Variants in CSMD1 observed in about 807,000 individuals in gnomAD.
The protein encoded by CSMD1 is CUB and sushi domain-containing protein 1.
CSMD1 carries 213 observed loss-of-function variants against 417.5 expected under a neutral mutation model. That is an observed-to-expected ratio of 0.51 (90% CI 0.46 to 0.57). The LOEUF (loss-of-function observed/expected upper bound fraction) is 0.57. CSMD1 is among the 20% of genes least tolerant of loss of function. CSMD1 has a pLI of 0.00. For synonymous variants in CSMD1, 2,862 were observed against 1,736.8 expected (o/e 1.65, Z -16.11); for missense variants, 6,923 against 4,529.7 (o/e 1.53, Z -15.17).
At chr8:4,438,414 C>T (rs116598441) in intron 2 of CSMD1, among the ~76,000 whole-genome samples, 4,026 of 152,230 alleles carry the variant, frequency 0.026, 186 homozygotes, top group African/African-American at 0.091. Flanking sequence ...TTGGTGGATA[C>T]TTAAACTCTA....
chr8:4,887,238 A>C (rs774479118), intron 1 of CSMD1, among the ~76,000 whole-genome samples: 9 of 151,988 alleles, frequency 5.9e-5, no homozygotes, highest in Non-Finnish European at 1.2e-4. Context: ...CTCATGATTT[A>C]TTTAGTTGTA....
At chr8:3,108,499 G>A (rs1384023568) in intron 44 of CSMD1, 104 bp downstream of exon 44, 12 of 1,217,746 alleles carry the variant, frequency 9.9e-6, no homozygotes, top group African/African-American at 4.6e-5. Context: ...ACACGCCCTC[G>A]GCTGAATCAA....
rs776274623 is a variant in CSMD1, at chr8:3,754,085, C to G, written c.819-43G>C. The G allele has an allele frequency of 3.0e-6, 4 of 1,330,172 alleles. No individual in the cohort carries two copies. The East Asian group carries it at 7.0e-5, about 23-fold the overall frequency. The allele number at this position is 1,330,172 out of a possible 1,614,324, so 82.4% of individuals were successfully genotyped here. ...GAAAAAAATCTCCCTTGTAAACCAA[C>G]AGAGCAAATGTCCTATATCAAACCC... On this transcript the variant is annotated intron_variant, in intron 5 of 69. Transcript: ENST00000635120.
At chr8:3,059,974 G>A (rs7818976) in intron 49 of CSMD1, among the ~76,000 whole-genome samples, 33,308 of 151,918 alleles carry the variant, frequency 0.22, 3,823 homozygotes, top group Middle Eastern at 0.33. Context: ...TTAGGCAGTG[G>A]GTATTAGGTC....
chr8:4,897,788 C>T (rs1388100148), intron 1 of CSMD1, among the ~76,000 whole-genome samples: 1 of 151,904 alleles, frequency 6.6e-6, no homozygotes, highest in East Asian at 1.9e-4. Flanking sequence ...AGTTATATGC[C>T]AGTAGATGAT....
In CSMD1 at chr8:4,111,908, G is replaced by A. The variant is rs528411143; in HGVS notation, c.416-79809C>T. 1.5e-3 allele frequency among the ~76,000 whole-genome samples: 224 copies of A among 152,266 alleles called. 1 individual carries two copies. Among genetic ancestry groups the A allele is most frequent in the Non-Finnish European group, 2.7e-3 (183 of 68,020 alleles). ...TAAGAAACCTGCACATCCAGCACAT[G>A]TACCCCAGAACTTAAAATAAATAAA... is the stretch of plus-strand genomic sequence containing the variant. On this transcript the variant is annotated intron_variant, in intron 3 of 69. Transcript: ENST00000635120.
At chr8:4,134,315 C>T (rs530447082) in intron 3 of CSMD1, among the ~76,000 whole-genome samples, 1 of 152,230 alleles carries the variant, frequency 6.6e-6, no homozygotes, top group Non-Finnish European at 1.5e-5. Context: ...GGTGATTAAG[C>T]TATAAAGACA....
intron 1 of CSMD1, among the ~76,000 whole-genome samples, chr8:4,992,345 A>T (rs765457804): frequency 1.3e-5 from 2 of 152,172 alleles, no homozygotes; most frequent in Non-Finnish European, 2.9e-5. Context: ...CGCGGTCTCC[A>T]CGCAGCAACC....
intron 5 of CSMD1, among the ~76,000 whole-genome samples, chr8:3,763,101 T>C (rs973047685): frequency 1.3e-5 from 2 of 152,060 alleles, no homozygotes; most frequent in Non-Finnish European, 2.9e-5. Context: ...CGTAACAGAG[T>C]GCTGGGCATG....
chr8:3,950,541 G>A (rs981302804), intron 5 of CSMD1, among the ~76,000 whole-genome samples: 1 of 152,226 alleles, frequency 6.6e-6, no homozygotes, highest in South Asian at 2.1e-4. Flanking sequence ...CAGCATGACA[G>A]AGCCTCAATA....
Position 4,427,113 on chromosome 8 carries a change from C to G in CSMD1, c.303-7048G>C, listed in dbSNP as rs527289515. Among the ~76,000 whole-genome samples, 12 of 152,098 alleles carry G rather than the reference C, an allele frequency of 7.9e-5. No individual in the cohort carries two copies. In the South Asian group the frequency reaches 2.3e-3, roughly 29 times the overall value. On this transcript the variant is annotated intron_variant, in intron 2 of 69. Coordinates refer to ENST00000635120, the MANE Select transcript of CSMD1 (RefSeq NM_033225.6). ...CTGTGGCTCCTGGGAGGTCACCATCCTTATAGAAAGCCTCTCCTGCCAGGT... is the reference window on the plus strand; with the variant it reads ...CTGTGGCTCCTGGGAGGTCACCATCGTTATAGAAAGCCTCTCCTGCCAGGT...
chr8:3,118,678 G>A (rs1428632783), intron 41 of CSMD1, 91 bp from the exon 42 acceptor site: 14 of 1,138,742 alleles, frequency 1.2e-5, no homozygotes, highest in African/African-American at 1.6e-5. Context: ...GTGACTGCTT[G>A]AGATGAAGTT....
chr8:4,748,568 G>C (rs559092085), intron 1 of CSMD1, among the ~76,000 whole-genome samples: 1 of 152,190 alleles, frequency 6.6e-6, no homozygotes. Context: ...AGGATTATTG[G>C]GTTCAGCATT....
chr8:4,191,630 T>C (rs1384220408), intron 3 of CSMD1, among the ~76,000 whole-genome samples: 1 of 150,706 alleles, frequency 6.6e-6, no homozygotes, highest in Non-Finnish European at 1.5e-5. Context: ...AACTACAAGA[T>C]ACATTGAAAG....
intron 5 of CSMD1, among the ~76,000 whole-genome samples, chr8:3,754,308 G>C (rs1797532554): frequency 6.6e-6 from 1 of 152,216 alleles, no homozygotes; most frequent in South Asian, 2.1e-4. Flanking sequence ...GAATGCAGGA[G>C]GAGGTATTCT....
In CSMD1 at chr8:4,353,863, G is replaced by A. The variant is rs73506691; in HGVS notation, c.415+66090C>T. On this transcript the variant is annotated intron_variant, in intron 3 of 69. Coordinates refer to ENST00000635120, the MANE Select transcript of CSMD1 (RefSeq NM_033225.6). ...ACCCGCACTTAATTATGGCTCATCT[G>A]GTTTACAGCAATAGTGCCAGGGAAA... Among the ~76,000 whole-genome samples, 559 of 152,208 alleles carry A rather than the reference G, an allele frequency of 3.7e-3. 3 individuals are homozygous for A. The highest frequency in any genetic ancestry group is 0.013 in the African/African-American group (543 of 41,524).
At chr8:4,353,584 T>C (rs976368832) in intron 3 of CSMD1, among the ~76,000 whole-genome samples, 4 of 151,928 alleles carry the variant, frequency 2.6e-5, no homozygotes, top group Non-Finnish European at 1.5e-5. Flanking sequence ...CAAAGTAGCA[T>C]ATCCTGAAGC....
intron 3 of CSMD1, among the ~76,000 whole-genome samples, chr8:4,178,583 CAA>C (rs1214311307): frequency 1.3e-5 from 2 of 151,162 alleles, no homozygotes; most frequent in African/African-American, 4.9e-5. Flanking sequence ...CTGGCCAGGG[CAA>C]TTAGGCAGGA....
At chr8:4,752,112 A>G (rs921240569) in intron 1 of CSMD1, among the ~76,000 whole-genome samples, 18 of 152,184 alleles carry the variant, frequency 1.2e-4, no homozygotes, top group African/African-American at 4.3e-4. Flanking sequence ...TCACATATAT[A>G]TATCACATGT....
Sources: gnomAD v4.1 joint callset for allele counts (sites outside exome capture counted in the v4.1 genomes callset) on GRCh38, gnomAD v4.1.1 for gene constraint, MANE v1.5 for transcripts, NCBI Gene and HGNC (gene_info 2026-07-23, HGNC 2026-07-21) for gene names.